Variants in LRRC72 observed in about 807,000 individuals in gnomAD.
The protein encoded by LRRC72 is leucine rich repeat containing 72.
In LRRC72, 41 loss-of-function variants were observed where a neutral mutation model predicts 35.8. That is an observed-to-expected ratio of 1.15 (90% CI 0.89 to 1.49). The LOEUF (loss-of-function observed/expected upper bound fraction) is 1.49. Ranked by LOEUF, LRRC72 falls within the 40% of genes most tolerant of loss-of-function variation. LRRC72 has a pLI of 0.00. For missense variants in LRRC72, 389 were observed against 330.7 expected (o/e 1.18, Z -1.37); for synonymous variants, 118 against 119.2 (o/e 0.99, Z 0.07).
intron 7 of LRRC72, among the ~76,000 whole-genome samples, chr7:16,576,585 G>A (rs1267880634): frequency 1.3e-5 from 2 of 152,092 alleles, no homozygotes; most frequent in East Asian, 3.9e-4. Context: ...CTGTCTCTGG[G>A]TTTTATTGCA....
Position 16,567,406 on chromosome 7 carries a change from AAAG to A in LRRC72, c.538_540del (p.Arg180del). 7 of 1,494,786 alleles carry A rather than the reference AAAG, an allele frequency of 4.7e-6. No homozygotes were observed. Among genetic ancestry groups the A allele is most frequent in the Non-Finnish European group, 6.2e-6 (7 of 1,122,438 alleles). 92.6% of individuals were successfully genotyped at this position (1,494,786 alleles called of 1,614,324 possible). A position where few individuals can be genotyped will look rare whatever the true frequency, so the allele number is the denominator to read the frequency against. ...CATTTATCAGAAGTTACAGAAAAAG[AAAG>A]AAGATCAATGATTACCATTTTTAAC... On this transcript the variant is annotated inframe_deletion, in exon 7 of 9. Coordinates refer to ENST00000401542, the MANE Select transcript of LRRC72 (RefSeq NM_001195280.2).
Position 16,526,938 on chromosome 7 carries a change from C to T in LRRC72, c.-15C>T, listed in dbSNP as rs1157110518. ...CCGGATTAATCACCGCTGCTTCGGC[C>T]GCCCATGTGTCCTGATGTCCTGGGA... On this transcript the variant is annotated 5_prime_UTR_variant, in exon 1 of 9. Transcript: ENST00000401542. The T allele has an allele frequency of 7.2e-6, 11 of 1,537,546 alleles. No individual in the cohort carries two copies. The highest frequency in any genetic ancestry group is 2.7e-5 in the African/African-American group (2 of 73,040).
At chr7:16,561,892 T>C (rs1782749757) in intron 5 of LRRC72, among the ~76,000 whole-genome samples, 1 of 152,270 alleles carries the variant, frequency 6.6e-6, no homozygotes, top group Admixed American at 6.5e-5. Flanking sequence ...AAATGAGAAC[T>C]CTATGTATTT....
chr7:16,580,768 T>C lies in LRRC72; in HGVS notation c.699-556T>C, dbSNP rs1783129569. Among the ~76,000 whole-genome samples, 4 of 152,366 alleles carry C rather than the reference T, an allele frequency of 2.6e-5. No homozygotes were observed. The South Asian group carries it at 8.3e-4, about 32-fold the overall frequency. ...AGCAGTTATCATGTAGATTAACATT[T>C]TATATTCATTGGAATTTACATTTCC... On this transcript the variant is annotated intron_variant, in intron 8 of 8. Coordinates refer to ENST00000401542, the MANE Select transcript of LRRC72 (RefSeq NM_001195280.2).
At chr7:16,566,660 G>A (rs1782849956) in intron 6 of LRRC72, among the ~76,000 whole-genome samples, 1 of 152,058 alleles carries the variant, frequency 6.6e-6, no homozygotes, top group Non-Finnish European at 1.5e-5. Context: ...TATTCCTTCT[G>A]GTCCTGGTTT....
chr7:16,531,902 A>C (rs1562735765), intron 1 of LRRC72, among the ~76,000 whole-genome samples: 1 of 152,166 alleles, frequency 6.6e-6, no homozygotes, highest in African/African-American at 2.4e-5. Flanking sequence ...TATGTTAGCA[A>C]CTCATGAGAA....
intron 6 of LRRC72, 42 bp downstream of exon 6, chr7:16,566,444 G>T: frequency 7.5e-7 from 1 of 1,340,748 alleles, no homozygotes; most frequent in South Asian, 1.4e-5. Flanking sequence ...TTGAGAAGTA[G>T]TCTTATAGCT....
chr7:16,538,961 C>T (rs963683152), intron 3 of LRRC72, among the ~76,000 whole-genome samples: 6 of 152,140 alleles, frequency 3.9e-5, no homozygotes, highest in African/African-American at 1.2e-4. Context: ...TTCTTTATAG[C>T]AGTGTGAAAA....
intron 7 of LRRC72, among the ~76,000 whole-genome samples, chr7:16,575,150 G>GGGAA (rs1783017767): frequency 6.6e-6 from 1 of 151,914 alleles, no homozygotes; most frequent in Admixed American, 6.6e-5. Flanking sequence ...GAGGGAGGGA[G>GGGAA]GGAGCAGGCT....
intron 2 of LRRC72, among the ~76,000 whole-genome samples, 179 bp from the exon 3 acceptor site, chr7:16,537,448 C>T (rs1782276442): frequency 6.6e-6 from 1 of 152,160 alleles, no homozygotes; most frequent in South Asian, 2.1e-4. Flanking sequence ...AAATCTTAAT[C>T]CAAGTGAATG....
At chr7:16,574,783 A>T (rs1284997467) in intron 7 of LRRC72, among the ~76,000 whole-genome samples, 1 of 151,634 alleles carries the variant, frequency 6.6e-6, no homozygotes, top group African/African-American at 2.4e-5. Context: ...TATATCCTAA[A>T]ACTTAAAGTA....
intron 2 of LRRC72, among the ~76,000 whole-genome samples, chr7:16,535,595 A>C (rs1782240096): frequency 6.6e-6 from 1 of 152,202 alleles, no homozygotes; most frequent in Non-Finnish European, 1.5e-5. Flanking sequence ...TATTTGCCTC[A>C]TGTATGACTT....
intron 3 of LRRC72, among the ~76,000 whole-genome samples, chr7:16,546,465 T>C (rs1782445017): frequency 6.6e-6 from 1 of 151,974 alleles, no homozygotes; most frequent in Non-Finnish European, 1.5e-5. Context: ...TTCCAGATAT[T>C]GTCAAATGCT....
At chr7:16,552,941 C>G (rs570210005) in intron 3 of LRRC72, among the ~76,000 whole-genome samples, 4 of 152,174 alleles carry the variant, frequency 2.6e-5, no homozygotes, top group Non-Finnish European at 5.9e-5. Flanking sequence ...ATTACTTAAC[C>G]TTTCTGTGCC....
At chr7:16,537,735 C>A in intron 3 of LRRC72, 39 bp downstream of exon 3, 7 of 1,139,176 alleles carry the variant, frequency 6.1e-6, no homozygotes, top group Non-Finnish European at 6.2e-6. Context: ...TAAAATTAAA[C>A]TACTATCTTA....
intron 7 of LRRC72, among the ~76,000 whole-genome samples, chr7:16,569,156 G>T (rs555286465): frequency 6.6e-6 from 1 of 152,218 alleles, no homozygotes; most frequent in Admixed American, 6.5e-5. Context: ...GGCCAGGTGC[G>T]GTGGTTCACA....
intron 3 of LRRC72, among the ~76,000 whole-genome samples, chr7:16,544,783 G>A (rs539351552): frequency 8.2e-4 from 125 of 152,196 alleles, no homozygotes; most frequent in African/African-American, 2.9e-3. Context: ...ACAGTAGCTT[G>A]GTATATTACA....
At chr7:16,542,682 G>C (rs1281091506) in intron 3 of LRRC72, among the ~76,000 whole-genome samples, 1 of 152,196 alleles carries the variant, frequency 6.6e-6, no homozygotes, top group Non-Finnish European at 1.5e-5. Context: ...AGTGAGCAGA[G>C]GAAGGACTTT....
chr7:16,551,763 T>C (rs1169459935), intron 3 of LRRC72, among the ~76,000 whole-genome samples: 1 of 151,438 alleles, frequency 6.6e-6, no homozygotes, highest in Non-Finnish European at 1.5e-5. Context: ...GTAATATCCT[T>C]TATTAAAAAA....
Sources: gnomAD v4.1 joint callset for allele counts (sites outside exome capture counted in the v4.1 genomes callset) on GRCh38, gnomAD v4.1.1 for gene constraint, MANE v1.5 for transcripts, NCBI Gene and HGNC (gene_info 2026-07-23, HGNC 2026-07-21) for gene names.